CLYBL: variants seen among roughly 807,000 people sequenced by gnomAD.
The protein encoded by CLYBL is citramalyl-CoA lyase.
CLYBL carries 31 observed loss-of-function variants against 38.9 expected under a neutral mutation model. The observed-to-expected ratio is 0.80, with a 90% CI of 0.60 to 1.08. CLYBL has a LOEUF of 1.08. Among genes scored for constraint, CLYBL ranks in the 50% least tolerant of loss-of-function variants. The probability of loss-of-function intolerance (pLI) is 0.00; values close to 1 mark genes in which losing one functional copy is unlikely to be tolerated. For missense variants in CLYBL, 434 were observed against 411.6 expected (o/e 1.05, Z -0.47); for synonymous variants, 171 against 158.6 (o/e 1.08, Z -0.59).
At chr13:99,901,604 A>G (rs1003852216), downstream of CLYBL, among the ~76,000 whole-genome samples, 4 of 151,654 alleles carry the variant, frequency 2.6e-5, no homozygotes, top group African/African-American at 7.3e-5. Context: ...TTTTGCTGCC[A>G]AAGTTGCTAT....
intron 2 of CLYBL, among the ~76,000 whole-genome samples, chr13:99,808,672 A>G (rs2050279765): frequency 6.6e-6 from 1 of 152,228 alleles, no homozygotes; most frequent in African/African-American, 2.4e-5. Context: ...GTTTAGATAT[A>G]TTCAACCTGA....
rs1376813151 is a variant in CLYBL at position 99,606,800 on chromosome 13, C to G, written c.62+43C>G. 2.2e-6 allele frequency: 3 copies of G among 1,353,696 alleles called. No individual in the cohort carries two copies. The African/African-American group carries it at 4.6e-5, about 21-fold the overall frequency. 83.9% of individuals were successfully genotyped at this position (1,353,696 alleles called of 1,614,324 possible). A position where few individuals can be genotyped will look rare whatever the true frequency, so the allele number is the denominator to read the frequency against. ...TTCCCCGCCTTCCCGGCCCGGCTCG[C>G]CGCGGGTCGGCTCCTGTTGCAGCCC... On this transcript the variant is annotated intron_variant, in intron 1 of 8. Transcript: ENST00000339105.
At chr13:99,876,501 T>C (rs1305442498) in intron 7 of CLYBL, among the ~76,000 whole-genome samples, 2 of 152,076 alleles carry the variant, frequency 1.3e-5, no homozygotes, top group Non-Finnish European at 2.9e-5. Context: ...TTGTCCTTAA[T>C]TTATAACACA....
At chr13:99,780,830 C>T in intron 2 of CLYBL, among the ~76,000 whole-genome samples, 1 of 150,992 alleles carries the variant, frequency 6.6e-6, no homozygotes, top group East Asian at 2.0e-4. Context: ...TCTCCTGCCT[C>T]AGCCTCCCAA....
intron 1 of CLYBL, among the ~76,000 whole-genome samples, chr13:99,705,921 ATT>A: frequency 6.8e-6 from 1 of 147,312 alleles, no homozygotes. Flanking sequence ...TTTTGCCCCA[ATT>A]TTTTTTTTTG....
At chr13:99,719,552 G>C (rs2048364939) in intron 1 of CLYBL, among the ~76,000 whole-genome samples, 1 of 151,974 alleles carries the variant, frequency 6.6e-6, no homozygotes, top group African/African-American at 2.4e-5. Context: ...TGTTGCCCAG[G>C]CTGGAGTGCA....
intron 2 of CLYBL, among the ~76,000 whole-genome samples, chr13:99,815,379 G>A (rs1164070830): frequency 3.3e-5 from 5 of 152,098 alleles, no homozygotes; most frequent in African/African-American, 9.7e-5. Context: ...GCAAAATAGC[G>A]AGACTCCATC....
At chr13:99,718,507 A>C (rs1250358544) in intron 1 of CLYBL, among the ~76,000 whole-genome samples, 1 of 152,178 alleles carries the variant, frequency 6.6e-6, no homozygotes, top group East Asian at 1.9e-4. Flanking sequence ...CTTCAGCTTG[A>C]AGTAACCAGC....
At chr13:99,620,881 C>T (rs1162605690) in intron 1 of CLYBL, among the ~76,000 whole-genome samples, 1 of 152,026 alleles carries the variant, frequency 6.6e-6, no homozygotes, top group East Asian at 1.9e-4. Flanking sequence ...TCTTCAGACA[C>T]CTCAACTACA....
At chr13:99,651,727 T>A (rs2047256280) in intron 1 of CLYBL, among the ~76,000 whole-genome samples, 1 of 151,688 alleles carries the variant, frequency 6.6e-6, no homozygotes, top group South Asian at 2.1e-4. Flanking sequence ...GTCAGGAGTT[T>A]GAGACCAGCC....
intron 1 of CLYBL, among the ~76,000 whole-genome samples, chr13:99,621,673 G>A (rs2046799266): frequency 6.6e-6 from 1 of 152,160 alleles, no homozygotes; most frequent in South Asian, 2.1e-4. Context: ...TGCAGCCTGT[G>A]GGCCACATGT....
intron 7 of CLYBL, among the ~76,000 whole-genome samples, chr13:99,871,798 A>G (rs535050846): frequency 5.3e-5 from 8 of 152,302 alleles, no homozygotes; most frequent in East Asian, 3.9e-4. Context: ...GTTATTTGCA[A>G]TAATACCGTT....
chr13:99,884,927 A>C, intron 7 of CLYBL: 1 of 469,470 alleles, frequency 2.1e-6, no homozygotes, highest in Non-Finnish European at 4.4e-6. Context: ...AAATTAAAGA[A>C]AAAGAGTGAC....
intron 2 of CLYBL, among the ~76,000 whole-genome samples, chr13:99,798,800 A>C (rs560043389): frequency 2.0e-5 from 3 of 152,328 alleles, no homozygotes; most frequent in Admixed American, 1.3e-4. Context: ...TTAGACATAA[A>C]TTGTACCTCA....
chr13:99,885,132 A>G (rs1434950860), intron 7 of CLYBL: 1 of 524,232 alleles, frequency 1.9e-6, no homozygotes. Context: ...GCCTCCCCAC[A>G]GGGGCCTCAC....
intron 2 of CLYBL, among the ~76,000 whole-genome samples, chr13:99,779,392 G>A (rs1364672167): frequency 4.0e-5 from 6 of 151,872 alleles, no homozygotes; most frequent in Non-Finnish European, 7.4e-5. Context: ...ATCCTGCCTC[G>A]GCCTCCCAAA....
chr13:99,629,938 A>G (rs1402575242), intron 1 of CLYBL, among the ~76,000 whole-genome samples: 4 of 152,086 alleles, frequency 2.6e-5, no homozygotes, highest in African/African-American at 9.7e-5. Context: ...TTTGAGGGTG[A>G]CCTCTGCTAA....
chr13:99,903,152 C>A (rs2052659598), intron 8 of CLYBL, among the ~76,000 whole-genome samples: 1 of 152,206 alleles, frequency 6.6e-6, no homozygotes, highest in Non-Finnish European at 1.5e-5. Flanking sequence ...AAAATAAAAA[C>A]CATCTCCAAA....
At chr13:99,631,158 CA>C (rs1348816312) in intron 1 of CLYBL, among the ~76,000 whole-genome samples, 1 of 152,030 alleles carries the variant, frequency 6.6e-6, no homozygotes, top group Non-Finnish European at 1.5e-5. Context: ...CCCGTCTCCA[CA>C]AAAAATAGAA....
Sources: gnomAD v4.1 joint callset for allele counts (sites outside exome capture counted in the v4.1 genomes callset) on GRCh38, gnomAD v4.1.1 for gene constraint, MANE v1.5 for transcripts, NCBI Gene and HGNC (gene_info 2026-07-23, HGNC 2026-07-21) for gene names.